BBS4: variants seen among roughly 807,000 people sequenced by gnomAD.
The protein encoded by BBS4 is Bardet-Biedl syndrome 4.
A neutral mutation model predicts 71.4 loss-of-function variants in BBS4; 58 were observed. That is an observed-to-expected ratio of 0.81 (90% CI 0.66 to 1.01). BBS4 has a LOEUF of 1.01. Ranked by LOEUF, BBS4 falls within the 50% of genes least tolerant of loss-of-function variation. BBS4 has a pLI of 0.00. For synonymous variants in BBS4, 228 were observed against 216.8 expected (o/e 1.05, Z -0.46); for missense variants, 660 against 607.9 (o/e 1.09, Z -0.90).
At chr15:72,702,203 T>C (rs1424276238) in intron 2 of BBS4, among the ~76,000 whole-genome samples, 2 of 152,140 alleles carry the variant, frequency 1.3e-5, no homozygotes, top group Non-Finnish European at 1.5e-5. Context: ...GCCCAAACAT[T>C]TACATTGTAA....
At chr15:72,708,194 C>A (rs902682276) in intron 2 of BBS4, among the ~76,000 whole-genome samples, 1 of 152,142 alleles carries the variant, frequency 6.6e-6, no homozygotes, top group Non-Finnish European at 1.5e-5. Flanking sequence ...TCTCGATCTT[C>A]TGACCTCGTG....
At chr15:72,712,435 T>A in intron 4 of BBS4, 128 bp downstream of exon 4, 1 of 918,180 alleles carries the variant, frequency 1.1e-6, no homozygotes, top group Non-Finnish European at 1.7e-6. Context: ...AGATATGTTC[T>A]AAGAAATGTG....
chr15:72,725,057 T>TATAGAGAG (rs369692212), intron 8 of BBS4, among the ~76,000 whole-genome samples: 132 of 127,654 alleles, frequency 1.0e-3, no homozygotes, highest in South Asian at 8.5e-3. Flanking sequence ...TATATATATA[T>TATAGAGAG]AGAGAGAGAG....
Position 72,701,497 on chromosome 15 carries a change from A to G in BBS4, c.76+6269A>G, listed in dbSNP as rs1051799538. Among the ~76,000 whole-genome samples the G allele has an allele frequency of 2.6e-5, 4 of 152,184 alleles. 1 individual carries two copies. The highest frequency in any genetic ancestry group is 4.8e-5 in the African/African-American group (2 of 41,444). ...TTTTCAGGGTCACCAGGAAGGATATATTTAGGCTCAGTGAATACTAGCAAG... is the reference window on the plus strand; with the variant it reads ...TTTTCAGGGTCACCAGGAAGGATATGTTTAGGCTCAGTGAATACTAGCAAG... On this transcript the variant is annotated intron_variant, in intron 2 of 15. Transcript: ENST00000268057.
chr15:72,689,508 G>T (rs1268120824), intron 1 of BBS4, among the ~76,000 whole-genome samples: 1 of 152,062 alleles, frequency 6.6e-6, no homozygotes, highest in Non-Finnish European at 1.5e-5. Flanking sequence ...TGAGGTGAGA[G>T]GATAACTTGA....
Position 72,702,802 on chromosome 15 carries a change from C to CTTTTTTTTTT in BBS4, c.77-6884_77-6875dup, listed in dbSNP as rs59816410. Among the ~76,000 whole-genome samples, 57 of 73,490 alleles carry CTTTTTTTTTT rather than the reference C, an allele frequency of 7.8e-4. 5 individuals are homozygous for CTTTTTTTTTT. The highest frequency in any genetic ancestry group is 1.1e-3 in the Non-Finnish European group (45 of 40,220). The allele number at this position is 73,490 out of a possible 152,430, so 48.2% of individuals were successfully genotyped here. A position where few individuals can be genotyped will look rare whatever the true frequency, so the allele number is the denominator to read the frequency against. ...TTTTTGGTATAGTGAGGAGCTGACT[C>CTTTTTTTTTT]TTTTTTTTTTTTTTTTTTTTTTTGA... On this transcript the variant is annotated intron_variant, in intron 2 of 15. Transcript: ENST00000268057.
rs760505590 is a variant in BBS4, at chr15:72,686,238, A to G, written c.11A>G (p.Glu4Gly). 1.3e-6 allele frequency: 2 copies of G among 1,566,112 alleles called. No homozygotes were observed. Among genetic ancestry groups the G allele is most frequent in the Non-Finnish European group, 1.7e-6 (2 of 1,156,254 alleles). ...GTGGGCTGAGCTAAAATGGCTGAGG[A>G]GAGAGTCGCGACGGTGAGCGCCGAG... MAE[E>G]RVATRTQFPV... The change falls in exon 1 of 16, where the codon GAG (glutamate) becomes GGG (glycine). Residue 4 changes from glutamate to glycine, a missense_variant. Glu to Gly is a moderately conservative substitution (Grantham distance 98, BLOSUM62 -2). Transcript: ENST00000268057.
intron 13 of BBS4, chr15:72,735,608 G>C: frequency 1.6e-6 from 1 of 645,112 alleles, no homozygotes; most frequent in Non-Finnish European, 2.7e-6. Flanking sequence ...TGAGGGCTGA[G>C]ATGCCAGATT....
chr15:72,689,825 T>A (rs1435535232), intron 1 of BBS4, among the ~76,000 whole-genome samples: 2 of 149,726 alleles, frequency 1.3e-5, no homozygotes, highest in African/African-American at 4.9e-5. Context: ...TATTTATTTA[T>A]TTTGAGACGG....
Position 72,736,831 on chromosome 15 carries a change from G to A in BBS4, c.1318G>A (p.Val440Ile). Residue 440 changes from valine (V) to isoleucine (I), a missense_variant, in exon 15 of 16, where the codon GTT becomes ATT. Coordinates refer to ENST00000268057, the MANE Select transcript of BBS4 (RefSeq NM_033028.5). ...VGEALVWTKP[V>I]KDPKSKHQTT... ...GGAGGCACTGGTCTGGACCAAACCA[G>A]TTAAAGATCCCAAATCAAAGCACCA... The A allele has an allele frequency of 6.2e-7, 1 of 1,614,204 alleles. No individual in the cohort carries two copies. Among genetic ancestry groups the A allele is most frequent in the Non-Finnish European group, 8.5e-7 (1 of 1,180,044 alleles).
intron 1 of BBS4, among the ~76,000 whole-genome samples, chr15:72,690,633 A>C (rs1415750438): frequency 6.6e-6 from 1 of 152,198 alleles, no homozygotes; most frequent in Non-Finnish European, 1.5e-5. Context: ...TTAAGTACAA[A>C]GTTTGATCAG....
At chr15:72,724,768 T>C in intron 8 of BBS4, 113 bp downstream of exon 8, 2 of 1,407,014 alleles carry the variant, frequency 1.4e-6, no homozygotes, top group Non-Finnish European at 2.0e-6. Flanking sequence ...ACTGTATGAG[T>C]TAAAGGTTAA....
intron 8 of BBS4, among the ~76,000 whole-genome samples, chr15:72,725,483 A>G: frequency 6.6e-6 from 1 of 152,144 alleles, no homozygotes; most frequent in South Asian, 2.1e-4. Flanking sequence ...ACTCAAGAAG[A>G]AGGAAATAAC....
intron 6 of BBS4, among the ~76,000 whole-genome samples, chr15:72,721,688 G>A (rs1368827290): frequency 6.6e-6 from 1 of 152,086 alleles, no homozygotes; most frequent in Non-Finnish European, 1.5e-5. Context: ...ACTATTTTTG[G>A]AGACTTGGAA....
intron 1 of BBS4, chr15:72,686,489 G>T: frequency 6.6e-7 from 1 of 1,525,794 alleles, no homozygotes; most frequent in Non-Finnish European, 8.8e-7. Context: ...GGGTGCGCTG[G>T]ACGGAGAAGG....
At chr15:72,732,878 AG>A (rs2065852338) in intron 12 of BBS4, among the ~76,000 whole-genome samples, 1 of 152,164 alleles carries the variant, frequency 6.6e-6, no homozygotes. Flanking sequence ...CCGGGAAAGC[AG>A]GTTAACCAGG....
intron 2 of BBS4, among the ~76,000 whole-genome samples, chr15:72,698,775 C>T (rs1015590744): frequency 1.3e-5 from 2 of 152,136 alleles, no homozygotes; most frequent in Non-Finnish European, 2.9e-5. Context: ...ATTCTACAGA[C>T]TAATTACTGT....
chr15:72,730,143 G>T (rs932157766), intron 10 of BBS4, among the ~76,000 whole-genome samples: 11 of 152,102 alleles, frequency 7.2e-5, no homozygotes, highest in Admixed American at 2.0e-4. Flanking sequence ...CGGGCGTGGT[G>T]GCGGGCGCCT....
intron 8 of BBS4, among the ~76,000 whole-genome samples, chr15:72,725,230 TA>T (rs537278982): frequency 1.4e-4 from 20 of 146,354 alleles, no homozygotes; most frequent in African/African-American, 2.7e-4. Flanking sequence ...CCAGCTAATT[TA>T]AAAAAAAAAA....
Sources: allele counts gnomAD v4.1 joint callset (sites outside exome capture counted in the v4.1 genomes callset), GRCh38; gene constraint gnomAD v4.1.1; transcripts MANE v1.5; gene names NCBI Gene and HGNC (gene_info 2026-07-23, HGNC 2026-07-21).